The following FYN variants were observed in gnomAD, a reference collection of about 807,000 sequenced individuals.
FYN encodes the protein FYN proto-oncogene, Src family tyrosine kinase.
FYN carries 10 observed loss-of-function variants against 70.2 expected under a neutral mutation model. The ratio of observed to expected loss-of-function variants is 0.14; its 90% CI spans 0.09 to 0.24. The LOEUF (loss-of-function observed/expected upper bound fraction) is 0.24. FYN is among the 10% of genes least tolerant of loss of function. The pLI is 1.00. For synonymous variants in FYN, 236 were observed against 248.6 expected, an observed-to-expected ratio of 0.95 and a Z score of 0.48; for missense variants, 319 against 673.1, an observed-to-expected ratio of 0.47 and a Z score of 5.82.
At chr6:111,792,499 A>C (rs560278303) in intron 2 of FYN, among the ~76,000 whole-genome samples, 4 of 152,182 alleles carry the variant, frequency 2.6e-5, no homozygotes, top group Non-Finnish European at 5.9e-5. Flanking sequence ...ATGCTTACCC[A>C]CTGATATGCA....
intron 3 of FYN, among the ~76,000 whole-genome samples, chr6:111,760,457 A>G (rs924306735): frequency 6.6e-6 from 1 of 152,240 alleles, no homozygotes; most frequent in Non-Finnish European, 1.5e-5. Flanking sequence ...AGAGGACAGA[A>G]GATCCACAGG....
chr6:111,692,217 A>G (rs960750235), intron 12 of FYN, among the ~76,000 whole-genome samples: 1 of 152,012 alleles, frequency 6.6e-6, no homozygotes, highest in Non-Finnish European at 1.5e-5. Context: ...ATGTTTGAAG[A>G]AGGAAGGACG....
chr6:111,678,108 A>ATGTG (rs57015847), intron 12 of FYN, among the ~76,000 whole-genome samples: 7,378 of 93,770 alleles, frequency 0.079, 288 homozygotes, highest in East Asian at 0.15. Context: ...AGGCCATAAT[A>ATGTG]TGTGTGTGTG....
At chr6:111,837,761 C>T (rs568202139) in intron 2 of FYN, among the ~76,000 whole-genome samples, 8 of 152,078 alleles carry the variant, frequency 5.3e-5, no homozygotes, top group African/African-American at 9.7e-5. Flanking sequence ...TTTGGTGAGA[C>T]GGTCAGGACT....
chr6:111,829,695 C>T lies in FYN; in HGVS notation c.-82+16894G>A, dbSNP rs111613640. On this transcript the variant is annotated intron_variant, in intron 2 of 13. Coordinates refer to ENST00000354650, the MANE Select transcript of FYN (RefSeq NM_002037.5). ...TAGACAAGTTATTTAGCTTCCCTGACTTGCGGCTTGTTCAGCTGTCGGATG... is the reference window on the plus strand; with the variant it reads ...TAGACAAGTTATTTAGCTTCCCTGATTTGCGGCTTGTTCAGCTGTCGGATG... Among the ~76,000 whole-genome samples the T allele has an allele frequency of 3.4e-3, 520 of 152,322 alleles. 1 individual carries two copies. The highest frequency in any genetic ancestry group is 0.012 in the African/African-American group (491 of 41,564).
At chr6:111,739,862 C>A (rs901231162) in intron 3 of FYN, among the ~76,000 whole-genome samples, 1 of 152,182 alleles carries the variant, frequency 6.6e-6, no homozygotes, top group African/African-American at 2.4e-5. Context: ...CTCACCCTGT[C>A]GCCCAGGCTG....
intron 13 of FYN, among the ~76,000 whole-genome samples, chr6:111,663,387 C>T (rs896668377): frequency 6.6e-6 from 1 of 152,182 alleles, no homozygotes; most frequent in African/African-American, 2.4e-5. Context: ...AGGCGCTGGG[C>T]CAGAGCACAG....
chr6:111,700,333 A>C, intron 8 of FYN, 65 bp from the exon 9 acceptor site: 96 of 1,553,910 alleles, frequency 6.2e-5, no homozygotes, highest in Non-Finnish European at 7.7e-5. Flanking sequence ...GACAACACTC[A>C]TAAGTGTAAA....
At chr6:111,685,996 C>T (rs938593942) in intron 12 of FYN, among the ~76,000 whole-genome samples, 3 of 152,184 alleles carry the variant, frequency 2.0e-5, no homozygotes, top group Non-Finnish European at 4.4e-5. Context: ...TTGGTCCCAT[C>T]TCCGACCTGA....
chr6:111,712,895 T>G (rs1239154901), intron 5 of FYN, among the ~76,000 whole-genome samples: 1 of 152,154 alleles, frequency 6.6e-6, no homozygotes, highest in Non-Finnish European at 1.5e-5. Flanking sequence ...AACATAAAAT[T>G]TATCATTTTA....
Position 111,702,923 on chromosome 6 carries a change from T to G in FYN, c.659A>C (p.Gln220Pro). The G allele has an allele frequency of 1.9e-6, 3 of 1,614,122 alleles. No homozygotes were observed. The highest frequency in any genetic ancestry group is 2.5e-6 in the Non-Finnish European group (3 of 1,180,002). Residue 220 changes from glutamine to proline, a missense_variant, in exon 8 of 14, where the codon CAG becomes CCG. By Grantham distance (76) the Gln-to-Pro change is moderately conservative. Transcript: ENST00000354650. ...TACAAGCTGCTGAAGTGTTTCAAAC[T>G]GGGCCCGGGTGGTAATGTAGTATCC... ...NGGYYITTRA[Q>P]FETLQQLVQH...
chr6:111,775,682 T>C (rs1481626002), intron 3 of FYN, among the ~76,000 whole-genome samples: 5 of 152,212 alleles, frequency 3.3e-5, no homozygotes, highest in Non-Finnish European at 7.3e-5. Context: ...CAATTTCGTG[T>C]GCATAAGCAC....
At chr6:111,738,764 G>A (rs1801816182) in intron 3 of FYN, among the ~76,000 whole-genome samples, 1 of 152,216 alleles carries the variant, frequency 6.6e-6, no homozygotes, top group East Asian at 1.9e-4. Flanking sequence ...GGCTGAAAGA[G>A]GAAACATCTA....
At chr6:111,746,138 C>T (rs949642108) in intron 3 of FYN, among the ~76,000 whole-genome samples, 1 of 152,224 alleles carries the variant, frequency 6.6e-6, no homozygotes, top group African/African-American at 2.4e-5. Flanking sequence ...TTTAGCAAGG[C>T]GTGTGGATTT....
chr6:111,701,566 C>T (rs539383257), intron 8 of FYN, among the ~76,000 whole-genome samples: 89 of 152,044 alleles, frequency 5.9e-4, no homozygotes, highest in Non-Finnish European at 1.1e-3. Flanking sequence ...GATTTTTTTT[C>T]CCCGAGATTA....
intron 12 of FYN, among the ~76,000 whole-genome samples, chr6:111,678,002 T>A (rs1238370032): frequency 6.6e-6 from 1 of 152,180 alleles, no homozygotes; most frequent in Non-Finnish European, 1.5e-5. Flanking sequence ...ACTTGTTCCA[T>A]GTTTACATGA....
chr6:111,782,574 A>G (rs1410239806), intron 2 of FYN, among the ~76,000 whole-genome samples: 2 of 152,196 alleles, frequency 1.3e-5, no homozygotes, highest in African/African-American at 4.8e-5. Context: ...CTGTTGACTG[A>G]CAGATCACCT....
intron 12 of FYN, among the ~76,000 whole-genome samples, chr6:111,691,736 C>T (rs1002866808): frequency 2.6e-5 from 4 of 152,166 alleles, no homozygotes; most frequent in Non-Finnish European, 5.9e-5. Flanking sequence ...AAAAACAGTC[C>T]CATAAAATAA....
chr6:111,860,396 AG>A (rs1773931132), intron 1 of FYN, among the ~76,000 whole-genome samples: 1 of 152,206 alleles, frequency 6.6e-6, no homozygotes, highest in Non-Finnish European at 1.5e-5. Flanking sequence ...AGCACAGAGC[AG>A]GAATCTTCCA....
Sources: allele counts gnomAD v4.1 joint callset (sites outside exome capture counted in the v4.1 genomes callset), GRCh38; gene constraint gnomAD v4.1.1; transcripts MANE v1.5; gene names NCBI Gene and HGNC (gene_info 2026-07-23, HGNC 2026-07-21).